Variants in ROR2 observed in about 807,000 individuals in gnomAD.
ROR2 encodes the protein ROR family WNT receptor 2, also known as tyrosine-protein kinase transmembrane receptor ROR2.
A neutral mutation model predicts 74.9 loss-of-function variants in ROR2; 33 were observed. That is an observed-to-expected ratio of 0.44 (90% CI 0.33 to 0.59). The LOEUF (loss-of-function observed/expected upper bound fraction) is 0.59, where lower values mean the gene tolerates loss of function less well. Among genes scored for constraint, ROR2 ranks in the 20% least tolerant of loss-of-function variants. The pLI is 0.02. For synonymous variants in ROR2, 586 were observed against 558.7 expected, an observed-to-expected ratio of 1.05 and a Z score of -0.69; for missense variants, 1,216 against 1,313.8, an observed-to-expected ratio of 0.93 and a Z score of 1.15.
chr9:91,839,314 C>T (rs1386909540), intron 1 of ROR2, among the ~76,000 whole-genome samples: 1 of 116,744 alleles, frequency 8.6e-6, no homozygotes, highest in African/African-American at 3.4e-5. Flanking sequence ...GCATGTGTGC[C>T]TGTGTGTATA....
intron 1 of ROR2, among the ~76,000 whole-genome samples, chr9:91,833,581 T>A (rs1290638357): frequency 1.3e-5 from 2 of 152,138 alleles, no homozygotes; most frequent in East Asian, 3.9e-4. Context: ...CTCCTTTCCA[T>A]GCACATCCCT....
At chr9:91,787,230 G>T (rs777976745) in intron 1 of ROR2, among the ~76,000 whole-genome samples, 37 of 152,214 alleles carry the variant, frequency 2.4e-4, no homozygotes, top group Non-Finnish European at 5.3e-4. Flanking sequence ...ATAAAAAGAG[G>T]CTGGGTGTGG....
Position 91,812,333 on chromosome 9 carries a change from G to A in ROR2, c.98-36515C>T, listed in dbSNP as rs369659549. On this transcript the variant is annotated intron_variant, in intron 1 of 8. Transcript: ENST00000375708. ...AGCAAACAGGTCGTTGAGATTACCC[G>A]ATCCTTCTATTTTTCCCAAGTAGGT... Among the ~76,000 whole-genome samples, 8 of 152,112 alleles carry A rather than the reference G, an allele frequency of 5.3e-5. No homozygotes were observed. In the East Asian group the frequency reaches 9.7e-4, roughly 18 times the overall value.
At chr9:91,939,121 G>A (rs1831779785) in intron 1 of ROR2, among the ~76,000 whole-genome samples, 1 of 152,066 alleles carries the variant, frequency 6.6e-6, no homozygotes, top group Admixed American at 6.5e-5. Flanking sequence ...GTGGTGGCAC[G>A]TGCCTGTAGT....
At chr9:91,860,808 C>G (rs1829447743) in intron 1 of ROR2, among the ~76,000 whole-genome samples, 1 of 152,192 alleles carries the variant, frequency 6.6e-6, no homozygotes, top group Non-Finnish European at 1.5e-5. Flanking sequence ...AACTCCCACG[C>G]CAGTCTCCTC....
chr9:91,857,968 G>C (rs1829349229), intron 1 of ROR2, among the ~76,000 whole-genome samples: 1 of 152,154 alleles, frequency 6.6e-6, no homozygotes, highest in Admixed American at 6.5e-5. Flanking sequence ...GGAGAGGGTG[G>C]AAACGACGAC....
chr9:91,887,722 G>A (rs923709357), intron 1 of ROR2, among the ~76,000 whole-genome samples: 7 of 151,588 alleles, frequency 4.6e-5, no homozygotes, highest in South Asian at 2.1e-4. Context: ...CAATAATGTA[G>A]GTATAACGGG....
At chr9:91,793,978 C>CA (rs962178327) in intron 1 of ROR2, among the ~76,000 whole-genome samples, 1 of 152,182 alleles carries the variant, frequency 6.6e-6, no homozygotes, top group Non-Finnish European at 1.5e-5. Context: ...ACCATAAGGA[C>CA]TTCTACCAAA....
At chr9:91,839,868 C>G (rs748127654) in intron 1 of ROR2, among the ~76,000 whole-genome samples, 4 of 152,034 alleles carry the variant, frequency 2.6e-5, no homozygotes, top group Non-Finnish European at 5.9e-5. Context: ...TACAATTCCC[C>G]TTCTCAACCA....
In ROR2 at chr9:91,757,437, C is replaced by T. The variant is rs374692105; in HGVS notation, c.298G>A (p.Ala100Thr). 428 of 1,613,954 alleles carry T rather than the reference C, an allele frequency of 2.7e-4. 8 individuals are homozygous for T. The South Asian group carries it at 4.6e-3, about 17-fold the overall frequency. ...PPNVRWLKNDAPVVQEPRRII... is the reference protein window; with the variant it reads ...PPNVRWLKNDTPVVQEPRRII... ...CGCCGCGGCTCCTGCACCACCGGGG[C>T]ATCATTCTTTAGCCACCGCACGTTA... The change falls in exon 3 of 9, where the codon GCC becomes ACC. Residue 100 changes from alanine to threonine, a missense_variant. Physicochemically the swap from Ala to Thr is moderately conservative, Grantham distance 58 (BLOSUM62 0). Transcript: ENST00000375708.
intron 1 of ROR2, among the ~76,000 whole-genome samples, chr9:91,812,579 C>A (rs1444816052): frequency 6.6e-6 from 1 of 151,344 alleles, no homozygotes; most frequent in African/African-American, 2.4e-5. Context: ...CCCACACACA[C>A]GTGTGTGTGG....
At chr9:91,827,697 C>T (rs544058103) in intron 1 of ROR2, among the ~76,000 whole-genome samples, 40 of 152,294 alleles carry the variant, frequency 2.6e-4, no homozygotes, top group African/African-American at 7.7e-4. Context: ...CAGATCGGTC[C>T]AATGTACAGA....
chr9:91,845,608 G>A (rs978630942), intron 1 of ROR2, among the ~76,000 whole-genome samples: 7 of 152,042 alleles, frequency 4.6e-5, no homozygotes, highest in Non-Finnish European at 7.4e-5. Context: ...CAGGCTGGGC[G>A]CGGTTGCTCG....
chr9:91,949,101 T>A (rs1321637721), intron 1 of ROR2, among the ~76,000 whole-genome samples: 2 of 145,816 alleles, frequency 1.4e-5, no homozygotes, highest in Admixed American at 6.7e-5. Flanking sequence ...GCCGCCAGCC[T>A]CCTACAGGTC....
intron 1 of ROR2, among the ~76,000 whole-genome samples, chr9:91,831,273 A>C (rs138654540): frequency 1.5e-3 from 234 of 151,910 alleles, no homozygotes; most frequent in African/African-American, 5.0e-3. Flanking sequence ...AAAAAAACAA[A>C]AAAAAAAAAT....
At chr9:91,863,984 A>C (rs1316471553) in intron 1 of ROR2, among the ~76,000 whole-genome samples, 1 of 152,230 alleles carries the variant, frequency 6.6e-6, no homozygotes, top group African/African-American at 2.4e-5. Flanking sequence ...AGATTCCGGC[A>C]ACATAAAAAC....
In ROR2 at chr9:91,722,827, C is replaced by G. The variant is rs1212633691; in HGVS notation, c.*835G>C. ...CTAAAGTCATCTTAAGACCAAAATA[C>G]TTCAATGAAAATGGCATATTAAAAA... On this transcript the variant is annotated 3_prime_UTR_variant, in exon 9 of 9. Coordinates refer to ENST00000375708, the MANE Select transcript of ROR2 (RefSeq NM_004560.4). The G allele has an allele frequency of 3.5e-6, 2 of 569,334 alleles. No individual in the cohort carries two copies. The highest frequency in any genetic ancestry group is 3.7e-5 in the African/African-American group (2 of 53,448). The allele number at this position is 569,334 out of a possible 1,614,324, so 35.3% of individuals were successfully genotyped here.
At chr9:91,805,746 A>G (rs1442568174) in intron 1 of ROR2, among the ~76,000 whole-genome samples, 2 of 152,076 alleles carry the variant, frequency 1.3e-5, no homozygotes, top group African/African-American at 4.8e-5. Flanking sequence ...TTTCAACCCA[A>G]CGCCGAGGGG....
chr9:91,839,105 C>T (rs1563991584), intron 1 of ROR2, among the ~76,000 whole-genome samples: 3 of 152,230 alleles, frequency 2.0e-5, no homozygotes, highest in Middle Eastern at 3.4e-3. Flanking sequence ...GCAACACAAG[C>T]GTGGGATGAC....
Sources: allele counts gnomAD v4.1 joint callset (sites outside exome capture counted in the v4.1 genomes callset), GRCh38; gene constraint gnomAD v4.1.1; transcripts MANE v1.5; gene names NCBI Gene and HGNC (gene_info 2026-07-23, HGNC 2026-07-21).